CCDC178: variants seen among roughly 807,000 people sequenced by gnomAD.
The protein encoded by CCDC178 is coiled-coil domain containing 178.
CCDC178 carries 126 observed loss-of-function variants against 117.4 expected under a neutral mutation model. The observed-to-expected ratio is 1.07, with a 90% CI of 0.93 to 1.24. The LOEUF (loss-of-function observed/expected upper bound fraction) is 1.24. CCDC178 is among the 50% of genes most tolerant of loss of function. The pLI is 0.00. For synonymous variants in CCDC178, 283 were observed against 313.4 expected, an observed-to-expected ratio of 0.90 and a Z score of 1.02; for missense variants, 1,030 against 986.9, an observed-to-expected ratio of 1.04 and a Z score of -0.59.
At chr18:33,344,531 G>A (rs984897585) in intron 9 of CCDC178, among the ~76,000 whole-genome samples, 18 of 152,038 alleles carry the variant, frequency 1.2e-4, no homozygotes, top group African/African-American at 4.1e-4. Context: ...GTGCACATAT[G>A]TATCTCAATT....
intron 14 of CCDC178, among the ~76,000 whole-genome samples, chr18:33,247,221 A>G (rs2059561708): frequency 6.6e-6 from 1 of 151,852 alleles, no homozygotes; most frequent in Admixed American, 6.6e-5. Context: ...CCAAAGACCT[A>G]GCAATCAGAG....
chr18:33,403,278 G>T (rs752060141), intron 3 of CCDC178, among the ~76,000 whole-genome samples: 1 of 152,104 alleles, frequency 6.6e-6, no homozygotes, highest in Non-Finnish European at 1.5e-5. Flanking sequence ...TATCTGTTCC[G>T]CCATTAATTG....
chr18:33,238,953 G>T (rs1440821833), intron 15 of CCDC178, among the ~76,000 whole-genome samples: 5 of 152,038 alleles, frequency 3.3e-5, no homozygotes, highest in Non-Finnish European at 7.4e-5. Flanking sequence ...TTTCAAATCA[G>T]GAGATAATGG....
chr18:33,009,020 A>G (rs540610312), intron 21 of CCDC178, among the ~76,000 whole-genome samples: 2 of 152,126 alleles, frequency 1.3e-5, no homozygotes, highest in African/African-American at 2.4e-5. Flanking sequence ...ACTTCATTTT[A>G]GTTGTGTGGG....
chr18:33,343,048 G>T (rs950675043), intron 9 of CCDC178, among the ~76,000 whole-genome samples: 2 of 152,070 alleles, frequency 1.3e-5, no homozygotes, highest in African/African-American at 4.8e-5. Context: ...TGACTGGAAT[G>T]CAGTAATTCT....
chr18:33,102,989 C>T (rs899038979), intron 20 of CCDC178, among the ~76,000 whole-genome samples: 43 of 151,760 alleles, frequency 2.8e-4, no homozygotes, highest in African/African-American at 9.7e-4. Context: ...ATATTTACTG[C>T]CTGTTCCTTT....
intron 22 of CCDC178, chr18:32,958,152 G>T: frequency 3.7e-6 from 2 of 533,430 alleles, no homozygotes; most frequent in South Asian, 4.4e-5. Context: ...CAGACATTAC[G>T]TTTGAAGTGG....
At chr18:33,091,736 G>T (rs922199107) in intron 21 of CCDC178, among the ~76,000 whole-genome samples, 3 of 152,112 alleles carry the variant, frequency 2.0e-5, no homozygotes, top group East Asian at 1.9e-4. Flanking sequence ...GAAGTACATA[G>T]GGGGATGCCA....
intron 21 of CCDC178, among the ~76,000 whole-genome samples, chr18:33,063,155 C>T (rs1472652657): frequency 2.0e-5 from 3 of 152,286 alleles, no homozygotes; most frequent in Non-Finnish European, 4.4e-5. Flanking sequence ...CCACTTTCCA[C>T]CATTGCCACT....
intron 2 of CCDC178, among the ~76,000 whole-genome samples, chr18:33,418,013 C>G (rs544535850): frequency 1.3e-5 from 2 of 152,190 alleles, no homozygotes; most frequent in African/African-American, 4.8e-5. Flanking sequence ...CATCATTCTG[C>G]TACCAAAATC....
rs768473871 is a variant in CCDC178 at position 33,215,576 on chromosome 18, ACTTTT to A, written c.2047_2051del (p.Lys683PhefsTer2). ...TTAATATTTCAAGTGTCTGATCAAA[ACTTTT>A]CTTTTCTTCTTCTTTTGCTTTTAAT... On this transcript the variant is annotated frameshift_variant, in exon 19 of 23. Transcript: ENST00000383096. LOFTEE classifies it high-confidence loss of function. The A allele has an allele frequency of 2.6e-4, 386 of 1,465,440 alleles. No homozygotes were observed. Among genetic ancestry groups the A allele is most frequent in the South Asian group, 3.0e-4 (22 of 73,846 alleles). The allele number at this position is 1,465,440 out of a possible 1,614,324, so 90.8% of individuals were successfully genotyped here.
intron 10 of CCDC178, chr18:33,328,200 T>C: frequency 4.0e-6 from 1 of 251,782 alleles, no homozygotes; most frequent in African/African-American, 2.5e-5. Context: ...CCCACCGGGC[T>C]CAAGCGATTC....
At chr18:33,159,536 T>C (rs1183372307) in intron 20 of CCDC178, among the ~76,000 whole-genome samples, 1 of 152,124 alleles carries the variant, frequency 6.6e-6, no homozygotes, top group Non-Finnish European at 1.5e-5. Context: ...AAATCACGTC[T>C]CACTTTCCAT....
intron 20 of CCDC178, among the ~76,000 whole-genome samples, chr18:33,202,937 T>A (rs1231126387): frequency 6.6e-6 from 1 of 152,206 alleles, no homozygotes; most frequent in Non-Finnish European, 1.5e-5. Flanking sequence ...AGTTTCCTAA[T>A]CATTTTTATA....
chr18:33,114,587 T>C (rs1489148813), intron 20 of CCDC178, among the ~76,000 whole-genome samples: 1 of 152,098 alleles, frequency 6.6e-6, no homozygotes, highest in African/African-American at 2.4e-5. Flanking sequence ...AAAAGCAGAA[T>C]ATGAGGCAAA....
chr18:33,123,715 T>C (rs187336013), intron 20 of CCDC178, among the ~76,000 whole-genome samples: 22 of 152,160 alleles, frequency 1.4e-4, no homozygotes, highest in South Asian at 4.1e-4. Context: ...ATAGTTATAG[T>C]CGATGTCAAA....
intron 14 of CCDC178, among the ~76,000 whole-genome samples, chr18:33,256,587 C>T (rs962117430): frequency 1.3e-5 from 2 of 151,978 alleles, no homozygotes; most frequent in Admixed American, 6.6e-5. Flanking sequence ...GGGATTTATG[C>T]TGCTGTTTGA....
intron 9 of CCDC178, among the ~76,000 whole-genome samples, chr18:33,345,959 T>G (rs1031676116): frequency 6.6e-6 from 1 of 152,012 alleles, no homozygotes; most frequent in South Asian, 2.1e-4. Context: ...TCCCAAGTAG[T>G]TGAGACTACA....
chr18:33,404,691 TA>T (rs904181453), intron 3 of CCDC178, among the ~76,000 whole-genome samples: 29 of 152,098 alleles, frequency 1.9e-4, no homozygotes, highest in African/African-American at 7.0e-4. Context: ...ATAATATTCC[TA>T]AAACAGAAAC....
Sources: allele counts gnomAD v4.1 joint callset (sites outside exome capture counted in the v4.1 genomes callset), GRCh38; gene constraint gnomAD v4.1.1; transcripts MANE v1.5; gene names NCBI Gene and HGNC (gene_info 2026-07-23, HGNC 2026-07-21).